BAZ2A: variants seen among roughly 807,000 people sequenced by gnomAD.
The protein encoded by BAZ2A is bromodomain adjacent to zinc finger domain protein 2A.
BAZ2A carries 34 observed loss-of-function variants against 199.9 expected under a neutral mutation model. The observed-to-expected ratio is 0.17, with a 90% CI of 0.13 to 0.23. The LOEUF (loss-of-function observed/expected upper bound fraction) is 0.23, where lower values mean the gene tolerates loss of function less well. Ranked by LOEUF, BAZ2A falls within the 10% of genes least tolerant of loss-of-function variation. BAZ2A has a pLI of 1.00. For synonymous variants in BAZ2A, 857 were observed against 883.9 expected (o/e 0.97, Z 0.54); for missense variants, 2,002 against 2,391.1 (o/e 0.84, Z 3.39).
upstream of BAZ2A, among the ~76,000 whole-genome samples, chr12:56,633,985 G>A (rs374054878): frequency 4.6e-5 from 7 of 152,176 alleles, no homozygotes; most frequent in African/African-American, 1.7e-4. Context: ...TGCCCACCTT[G>A]GCCTCCCAAA....
chr12:56,616,556 A>T lies in BAZ2A; in HGVS notation c.136+839T>A, dbSNP rs73124728. Among the ~76,000 whole-genome samples the T allele has an allele frequency of 7.8e-3, 1,184 of 152,290 alleles. 2 individuals carry two copies. Among genetic ancestry groups the T allele is most frequent in the Middle Eastern group, 0.017 (5 of 294 alleles). ...GGGCACTTTGTGTGCTGTAGAATTC[A>T]GCTCTCATCATCAATGGCAACCTCT... On this transcript the variant is annotated intron_variant, in intron 2 of 28. Transcript: ENST00000549884.
intron 1 of BAZ2A, among the ~76,000 whole-genome samples, chr12:56,619,636 T>G (rs1428353083): frequency 6.6e-6 from 1 of 151,958 alleles, no homozygotes; most frequent in Non-Finnish European, 1.5e-5. Context: ...GAATATAACA[T>G]AAGTCTGAGC....
At chr12:56,599,570 G>T in intron 26 of BAZ2A, 132 bp downstream of exon 26, 1 of 1,369,046 alleles carries the variant, frequency 7.3e-7, no homozygotes, top group Non-Finnish European at 9.8e-7. Flanking sequence ...GAATTTAAGT[G>T]ACTTGTCCAA....
In BAZ2A at chr12:56,615,201, G is replaced by A. The variant is rs1012689338; in HGVS notation, c.543C>T (p.Pro181=). The A allele has an allele frequency of 6.2e-7, 1 of 1,613,642 alleles. No homozygotes were observed. The highest frequency in any genetic ancestry group is 1.3e-5 in the African/African-American group (1 of 74,904). ...DQNFEVMPNG[P]PSFFTSPQTS... ...TCTGTGGGGAGGTGAAAAAACTAGG[G>A]GGTCCATTGGGCATCACCTCAAAAT... is the stretch of plus-strand genomic sequence containing the variant. The change falls in exon 3 of 29, where the codon CCC becomes CCT. Residue 181 remains proline, a synonymous_variant. Transcript: ENST00000549884.
Position 56,609,743 on chromosome 12 carries a change from C to T in BAZ2A, c.2085G>A (p.Glu695=). ...TAAGAAATACCACTGTACCTTGGGC[C>T]TCCAGTTTCTTTAGGGGGCGGTTGT... ...KTDNRPLKKL[E]AQETLNEEDK... is the part of the protein sequence containing the mutation. Residue 695 remains glutamate (E), a synonymous_variant, in exon 10 of 29, where the codon GAG becomes GAA. Coordinates refer to ENST00000549884, the MANE Select transcript of BAZ2A (RefSeq NM_001300905.2). The T allele has an allele frequency of 6.2e-7, 1 of 1,613,644 alleles. No individual in the cohort carries two copies. Among genetic ancestry groups the T allele is most frequent in the Non-Finnish European group, 8.5e-7 (1 of 1,179,742 alleles).
intron 1 of BAZ2A, among the ~76,000 whole-genome samples, chr12:56,629,441 ATTC>A (rs1951219894): frequency 6.6e-6 from 1 of 152,062 alleles, no homozygotes. Context: ...ATTCCTCTTT[ATTC>A]TTCCCTTCTG....
Position 56,605,345 on chromosome 12 carries a change from A to AGTAGAGAG in BAZ2A, c.2494-26_2494-19dup. 1 of 1,592,348 alleles carries AGTAGAGAG rather than the reference A, an allele frequency of 6.3e-7. No homozygotes were observed. Among genetic ancestry groups the AGTAGAGAG allele is most frequent in the Non-Finnish European group, 8.6e-7 (1 of 1,164,700 alleles). The stretch of plus-strand genomic sequence containing the variant: ...GGCAGGGGCTAGAGAGAGAAAAGTG[A>AGTAGAGAG]GTAGAGAGTTCTGTTAAACATAACA... On this transcript the variant is annotated intron_variant, in intron 13 of 28. Coordinates refer to ENST00000549884, the MANE Select transcript of BAZ2A (RefSeq NM_001300905.2).
intron 1 of BAZ2A, chr12:56,621,243 T>A (rs1212384165): frequency 3.3e-5 from 33 of 985,312 alleles, no homozygotes; most frequent in Non-Finnish European, 3.5e-5. Context: ...TGTGACCTCC[T>A]CTCTGCTGCT....
Position 56,597,575 on chromosome 12 carries a change from C to CACACACACACT in BAZ2A, c.*1042_*1043insAGTGTGTGTGT, listed in dbSNP as rs1885937451. 1.4e-5 allele frequency: 2 copies of CACACACACACT among 140,610 alleles called. 1 individual carries two copies. 8.7% of individuals were successfully genotyped at this position (140,610 alleles called of 1,614,324 possible). A position where few individuals can be genotyped will look rare whatever the true frequency, so the allele number is the denominator to read the frequency against. On this transcript the variant is annotated 3_prime_UTR_variant, in exon 29 of 29. Coordinates refer to ENST00000549884, the MANE Select transcript of BAZ2A (RefSeq NM_001300905.2). ...GGTCACAAGCACGCACACACACACA[C>CACACACACACT]ACACACAGCGCGCGCTCTGAGGCTG...
chr12:56,631,839 T>C (rs1272592601), upstream of BAZ2A, among the ~76,000 whole-genome samples: 5 of 152,132 alleles, frequency 3.3e-5, no homozygotes, highest in African/African-American at 9.7e-5. Context: ...TCAGTCTACA[T>C]TGGATTTCCT....
chr12:56,606,042 T>C lies in BAZ2A; in HGVS notation c.2281A>G (p.Thr761Ala). 6.4e-7 allele frequency: 1 copy of C among 1,551,860 alleles called. No homozygotes were observed. Among genetic ancestry groups the C allele is most frequent in the South Asian group, 1.2e-5 (1 of 84,076 alleles). The change falls in exon 13 of 29, where the codon ACA (threonine) becomes GCA (alanine). Residue 761 changes from threonine (T) to alanine (A), a missense_variant. Thr to Ala is a moderately conservative substitution (Grantham distance 58, BLOSUM62 0). Transcript: ENST00000549884. Reference sequence around the variant, plus strand: ...TTTTCCTTCAGTTTTTCCTGCTTTGTCTTTCCTTTTTCTTTCTCAGCCTAC... The same window carrying C: ...TTTTCCTTCAGTTTTTCCTGCTTTGCCTTTCCTTTTTCTTTCTCAGCCTAC... ...KSKAEKEKGKTKQEKLKEKVK... is the reference protein window; with the variant it reads ...KSKAEKEKGKAKQEKLKEKVK...
In BAZ2A at chr12:56,606,239, G is replaced by A. The variant is rs1336426949; in HGVS notation, c.2259+8C>T. ...AATTATACTTGGCAAGTTTGTACAT[G>A]CACCTACCTTGGATTTCTTCTTAGC... is the stretch of plus-strand genomic sequence containing the variant. On this transcript the variant is annotated splice_region_variant and intron_variant, in intron 12 of 28. Transcript: ENST00000549884. 1.2e-6 allele frequency: 2 copies of A among 1,613,820 alleles called. No homozygotes were observed. Among genetic ancestry groups the A allele is most frequent in the African/African-American group, 1.3e-5 (1 of 74,912 alleles).
chr12:56,632,381 G>C (rs1951335803), upstream of BAZ2A, among the ~76,000 whole-genome samples: 1 of 152,140 alleles, frequency 6.6e-6, no homozygotes, highest in East Asian at 1.9e-4. Context: ...GCAGATGAGG[G>C]AGAATCTTCC....
intron 1 of BAZ2A, among the ~76,000 whole-genome samples, chr12:56,625,036 T>C (rs1453487759): frequency 6.6e-6 from 1 of 152,136 alleles, no homozygotes; most frequent in Non-Finnish European, 1.5e-5. Flanking sequence ...ACATTTCCAG[T>C]CACTTTACTC....
chr12:56,621,130 G>C (rs1950908827), intron 1 of BAZ2A: 1 of 985,138 alleles, frequency 1.0e-6, no homozygotes, highest in African/African-American at 1.8e-5. Flanking sequence ...CCCTGGTGTG[G>C]AGGATACATG....
Position 56,599,312 on chromosome 12 carries a change from C to A in BAZ2A, c.5219G>T (p.Gly1740Val). 6.2e-7 allele frequency: 1 copy of A among 1,613,544 alleles called. No individual in the cohort carries two copies. The highest frequency in any genetic ancestry group is 1.3e-5 in the African/African-American group (1 of 75,034). The change falls in exon 27 of 29, where the codon GGC becomes GTC. Residue 1740 changes from glycine to valine, a missense_variant. By Grantham distance (109) the Gly-to-Val change is moderately radical (BLOSUM62 -3). Coordinates refer to ENST00000549884, the MANE Select transcript of BAZ2A (RefSeq NM_001300905.2). ...CGAATAACCACTTTTCCGCTTCTGG[C>A]CACGCTTTGGGAAACCAGGCTTCTG... ...FTQKPGFPKR[G>V]QKRKSGYSLN... is the part of the protein sequence containing the mutation.
At chr12:56,615,724 C>T in intron 2 of BAZ2A, 117 bp from the exon 3 acceptor site, 1 of 839,062 alleles carries the variant, frequency 1.2e-6, no homozygotes, top group Non-Finnish European at 1.8e-6. Flanking sequence ...AAGGGGGATT[C>T]CTCCCCTGCT....
intron 10 of BAZ2A, among the ~76,000 whole-genome samples, chr12:56,607,941 G>A (rs368693084): frequency 1.3e-5 from 2 of 152,004 alleles, no homozygotes; most frequent in South Asian, 2.1e-4. Context: ...TTAGCTGGGC[G>A]TGGTGGCATA....
chr12:56,610,165 G>A lies in BAZ2A; in HGVS notation c.1830C>T (p.Phe610=), dbSNP rs1205144561. The change falls in exon 9 of 29, where the codon TTC becomes TTT. Residue 610 remains phenylalanine (F), a synonymous_variant. Coordinates refer to ENST00000549884, the MANE Select transcript of BAZ2A (RefSeq NM_001300905.2). ...VHSVRREHFS[F]SPRMPVGDFF... ...AATCTCCAACAGGCATACGGGGACT[G>A]AAGCTGAAGTGCTCTCGGCGGACAC... The A allele has an allele frequency of 1.2e-6, 2 of 1,613,894 alleles. No homozygotes were observed. The highest frequency in any genetic ancestry group is 2.7e-5 in the African/African-American group (2 of 74,918).
Sources: allele counts gnomAD v4.1 joint callset (sites outside exome capture counted in the v4.1 genomes callset), GRCh38; gene constraint gnomAD v4.1.1; transcripts MANE v1.5; gene names NCBI Gene and HGNC (gene_info 2026-07-23, HGNC 2026-07-21).